GALT: variants seen among roughly 807,000 people sequenced by gnomAD.
The protein encoded by GALT is galactose-1-phosphate uridylyltransferase.
A neutral mutation model predicts 55.4 loss-of-function variants in GALT; 42 were observed. The ratio of observed to expected loss-of-function variants is 0.76; its 90% confidence interval spans 0.59 to 0.98. The LOEUF (loss-of-function observed/expected upper bound fraction) is 0.98. Among genes scored for constraint, GALT ranks in the 50% least tolerant of loss-of-function variants. The pLI, the probability that GALT is intolerant of heterozygous loss-of-function variation, is 0.00. For synonymous variants in GALT, 154 were observed against 181.5 expected, an observed-to-expected ratio of 0.85 and a Z score of 1.22; for missense variants, 407 against 495.7, an observed-to-expected ratio of 0.82 and a Z score of 1.70.
Position 34,647,202 on chromosome 9 carries a change from C to T in GALT, c.196C>T (p.Pro66Ser), listed in dbSNP as rs1317678108. Residue 66 changes from proline (P) to serine (S), a missense_variant, in exon 2 of 11, where the codon CCC becomes TCC. Pro to Ser is a moderately conservative substitution (Grantham distance 74). Transcript: ENST00000378842. The surrounding 1 kb of genome is among the most constrained non-coding windows in gnomAD (Gnocchi z 5.6). Reference protein sequence around the residue: ...QVEPQLLKTVPRHDPLNPLCP... With the variant: ...QVEPQLLKTVSRHDPLNPLCP... The stretch of plus-strand genomic sequence containing the variant: ...GGAGCCCCAGCTTCTGAAGACAGTG[C>T]CCCGCCATGACCCTCTCAACCCTCT... 2 of 1,614,160 alleles carry T rather than the reference C, an allele frequency of 1.2e-6. No homozygotes were observed.
At chr9:34,649,624 T>A in intron 10 of GALT, 60 bp downstream of exon 10, 1 of 1,569,878 alleles carries the variant, frequency 6.4e-7, no homozygotes, top group Non-Finnish European at 8.8e-7. Flanking sequence ...TGCAGGCACC[T>A]GATACTTCTG....
At chr9:34,649,241 TG>T (rs1821192394) in intron 9 of GALT, 160 bp downstream of exon 9, 1 of 1,192,914 alleles carries the variant, frequency 8.4e-7, no homozygotes, top group East Asian at 2.3e-5. Flanking sequence ...GCAGCAAACT[TG>T]GTGAAACTAC....
At chr9:34,650,190 G>A in intron 10 of GALT, 179 bp from the exon 11 acceptor site, 2 of 610,272 alleles carry the variant, frequency 3.3e-6, no homozygotes, top group Non-Finnish European at 2.9e-6. Context: ...GGCTGAGATA[G>A]GATCACTTGG....
At position 34,647,215 on chromosome 9, in the gene GALT, C is replaced by T; in HGVS notation, c.209C>T (p.Pro70Leu). The T allele has an allele frequency of 6.2e-7, 1 of 1,614,190 alleles. No individual in the cohort carries two copies. The highest frequency in any genetic ancestry group is 8.5e-7 in the Non-Finnish European group (1 of 1,180,020). ...CTGAAGACAGTGCCCCGCCATGACC[C>T]TCTCAACCCTCTGTGTCCTGGGGCC... ...QLLKTVPRHD[P>L]LNPLCPGAIR... The change falls in exon 2 of 11, where the codon CCT becomes CTT. Residue 70 changes from proline to leucine, a missense_variant. Coordinates refer to ENST00000378842, the MANE Select transcript of GALT (RefSeq NM_000155.4). This position sits in a 1 kb window ranked among gnomAD's most constrained non-coding sequence, Gnocchi z 5.6.
In GALT at chr9:34,649,390, GTC is replaced by G. The variant is rs757538747; in HGVS notation, c.905-14_905-13del. On this transcript the variant is annotated intron_variant, in intron 9 of 10. Coordinates refer to ENST00000378842, the MANE Select transcript of GALT (RefSeq NM_000155.4). ...TGTAAAAGGGCTCTCTCTCCCCACT[GTC>G]TCTCTTCTTTCTGTCAGGGGCTCCC... 1.2e-6 allele frequency: 2 copies of G among 1,614,058 alleles called. No homozygotes were observed. Among genetic ancestry groups the G allele is most frequent in the East Asian group, 4.5e-5 (2 of 44,878 alleles).
intron 9 of GALT, 144 bp downstream of exon 9, chr9:34,649,225 G>A: frequency 8.5e-7 from 1 of 1,183,166 alleles, no homozygotes; most frequent in Admixed American, 1.7e-5. Context: ...TGGGACTGAG[G>A]GTGGAGCAGC....
In GALT at chr9:34,648,869, T is replaced by G. The variant is rs762866149; in HGVS notation, c.795T>G (p.Pro265=). The part of the protein sequence containing the change: ...LLPRRHVRRL[P]ELTPAERDDL... Reference sequence around the variant, plus strand: ...CCCGTCGGCATGTGCGGCGGCTACCTGAGCTGACCCCTGCTGAGCGTGATG... The same window carrying G: ...CCCGTCGGCATGTGCGGCGGCTACCGGAGCTGACCCCTGCTGAGCGTGATG... Residue 265 remains proline (P), a synonymous_variant, in exon 8 of 11, where the codon CCT becomes CCG. Transcript: ENST00000378842. This position sits in a 1 kb window ranked among gnomAD's most constrained non-coding sequence, Gnocchi z 4.9. 6.2e-7 allele frequency: 1 copy of G among 1,613,270 alleles called. No individual in the cohort carries two copies. Among genetic ancestry groups the G allele is most frequent in the African/African-American group, 1.3e-5 (1 of 75,044 alleles).
In GALT at chr9:34,648,926, G is replaced by A. The variant is rs983255120; in HGVS notation, c.820+32G>A. ...CTCCCAAGTAGGATCCTGGGGCTAG[G>A]CACTGGATGGAGGTTGCTCCCAGTA... On this transcript the variant is annotated intron_variant, in intron 8 of 10. Coordinates refer to ENST00000378842, the MANE Select transcript of GALT (RefSeq NM_000155.4). The surrounding 1 kb of genome is among the most constrained non-coding windows in gnomAD (Gnocchi z 4.9). The A allele has an allele frequency of 3.7e-6, 6 of 1,613,672 alleles. No individual in the cohort carries two copies. The highest frequency in any genetic ancestry group is 5.1e-6 in the Non-Finnish European group (6 of 1,179,928).
At position 34,647,904 on chromosome 9, in the gene GALT, T is replaced by A. The variant is rs886063884; in HGVS notation, c.450T>A (p.Val150=). The change falls in exon 5 of 11, where the codon GTT becomes GTA. Residue 150 remains valine (V), a synonymous_variant. Coordinates refer to ENST00000378842, the MANE Select transcript of GALT (RefSeq NM_000155.4). This position sits in a 1 kb window ranked among gnomAD's most constrained non-coding sequence, Gnocchi z 5.6. ...PLMSVPEIRA[V]VDAWASVTEE... Reference sequence around the variant, plus strand: ...TGTCGGTCCCTGAGATCCGGGCTGTTGTTGATGCATGGGCCTCAGTCACAG... The same window carrying A: ...TGTCGGTCCCTGAGATCCGGGCTGTAGTTGATGCATGGGCCTCAGTCACAG... 1 of 1,614,180 alleles carries A rather than the reference T, an allele frequency of 6.2e-7. No individual in the cohort carries two copies.
At position 34,650,574 on chromosome 9, in the gene GALT, C is replaced by CA. The variant is rs1459744158; in HGVS notation, c.*128dup. 2.5e-6 allele frequency: 2 copies of CA among 797,034 alleles called. No individual in the cohort carries two copies. Among genetic ancestry groups the CA allele is most frequent in the Non-Finnish European group, 2.1e-6 (1 of 478,742 alleles). The allele number at this position is 797,034 out of a possible 1,614,324, so 49.4% of individuals were successfully genotyped here. On this transcript the variant is annotated 3_prime_UTR_variant, in exon 11 of 11. Transcript: ENST00000378842. Reference sequence around the variant, plus strand: ...ATAGCATTAATAAAACTGTGCATCTCAAACTTTTATCACATACTCTAATAT... The same window carrying CA: ...ATAGCATTAATAAAACTGTGCATCTCAAAACTTTTATCACATACTCTAATAT...
In GALT at chr9:34,647,805, G is replaced by C. The variant is rs41274865; in HGVS notation, c.378-27G>C. ...TAGCACAGCCAAGCCCTACCTCTCG[G>C]TTATCTTTTCTCCCGTCACCACCCA... On this transcript the variant is annotated intron_variant, in intron 4 of 10. Transcript: ENST00000378842. The surrounding 1 kb of genome is among the most constrained non-coding windows in gnomAD (Gnocchi z 5.6). 0.06 allele frequency: 96,739 copies of C among 1,614,114 alleles called. 3,193 individuals carry two copies. Among genetic ancestry groups the C allele is most frequent in the South Asian group, 0.075 (6,842 of 91,074 alleles).
chr9:34,647,817 C>G lies in GALT; in HGVS notation c.378-15C>G. 6.2e-7 allele frequency: 1 copy of G among 1,614,244 alleles called. No individual in the cohort carries two copies. The highest frequency in any genetic ancestry group is 8.5e-7 in the Non-Finnish European group (1 of 1,180,044). The stretch of plus-strand genomic sequence containing the variant: ...GCCCTACCTCTCGGTTATCTTTTCT[C>G]CCGTCACCACCCAGTAAGGTCATGT... On this transcript the variant is annotated splice_polypyrimidine_tract_variant and intron_variant, in intron 4 of 10. Coordinates refer to ENST00000378842, the MANE Select transcript of GALT (RefSeq NM_000155.4). The surrounding 1 kb of genome is among the most constrained non-coding windows in gnomAD (Gnocchi z 5.6).
chr9:34,651,019 C>A lies in GALT; in HGVS notation c.*570C>A. The stretch of plus-strand genomic sequence containing the variant: ...GGCTGCAGCTTGGCTCTGCTCCAGC[C>A]CACAGGGGCTAAAGGGGCGGGTAGG... On this transcript the variant is annotated 3_prime_UTR_variant, in exon 11 of 11. Transcript: ENST00000378842. The surrounding 1 kb of genome is among the most constrained non-coding windows in gnomAD (Gnocchi z 4.3). 1 of 158,552 alleles carries A rather than the reference C, an allele frequency of 6.3e-6. No homozygotes were observed. The highest frequency in any genetic ancestry group is 1.4e-5 in the Non-Finnish European group (1 of 71,978). The allele number at this position is 158,552 out of a possible 1,614,324, so 9.8% of individuals were successfully genotyped here. A position where few individuals can be genotyped will look rare whatever the true frequency, so the allele number is the denominator to read the frequency against.
chr9:34,650,244 T>C (rs917353219), intron 10 of GALT, 125 bp from the exon 11 acceptor site: 13 of 688,068 alleles, frequency 1.9e-5, no homozygotes, highest in East Asian at 5.5e-5. Flanking sequence ...CATGGCATCA[T>C]TGCATTCCAG....
rs1258860278 is a variant in GALT, at chr9:34,651,011, GCT to G, written c.*564_*565del. ...TTGTGAGTGGCTGCAGCTTGGCTCT[GCT>G]CCAGCCCACAGGGGCTAAAGGGGCG... On this transcript the variant is annotated 3_prime_UTR_variant, in exon 11 of 11. Transcript: ENST00000378842. This position sits in a 1 kb window ranked among gnomAD's most constrained non-coding sequence, Gnocchi z 4.3. The G allele has an allele frequency of 6.3e-6, 1 of 159,216 alleles. No individual in the cohort carries two copies. The highest frequency in any genetic ancestry group is 1.4e-5 in the Non-Finnish European group (1 of 72,452). 9.9% of individuals were successfully genotyped at this position (159,216 alleles called of 1,614,324 possible). A position where few individuals can be genotyped will look rare whatever the true frequency, so the allele number is the denominator to read the frequency against.
rs1474352459 is a variant in GALT at position 34,649,101 on chromosome 9, T to C, written c.904+20T>C. The C allele has an allele frequency of 1.9e-6, 3 of 1,607,270 alleles. No individual in the cohort carries two copies. The highest frequency in any genetic ancestry group is 2.6e-6 in the Non-Finnish European group (3 of 1,173,850). Reference sequence around the variant, plus strand: ...GGCATGGTGAGGCTTTTCAAGTACCTATATTTAGCCCCAACACCATTTCTG... The same window carrying C: ...GGCATGGTGAGGCTTTTCAAGTACCCATATTTAGCCCCAACACCATTTCTG... On this transcript the variant is annotated intron_variant, in intron 9 of 10. Transcript: ENST00000378842.
Position 34,648,589 on chromosome 9 carries a change from G to C in GALT, c.687+133G>C. On this transcript the variant is annotated intron_variant, in intron 7 of 10. Transcript: ENST00000378842. This position sits in a 1 kb window ranked among gnomAD's most constrained non-coding sequence, Gnocchi z 4.9. The stretch of plus-strand genomic sequence containing the variant: ...GCTAGGAGGCCTTAGCAATAATCCA[G>C]TAATCTAAAGGAAAGATGATGGTGA... The C allele has an allele frequency of 5.9e-6, 9 of 1,520,124 alleles. No homozygotes were observed. The highest frequency in any genetic ancestry group is 7.3e-6 in the Non-Finnish European group (8 of 1,100,234). The allele number at this position is 1,520,124 out of a possible 1,614,324, so 94.2% of individuals were successfully genotyped here.
At chr9:34,650,145 T>C in intron 10 of GALT, 1 of 551,012 alleles carries the variant, frequency 1.8e-6, no homozygotes, top group South Asian at 2.2e-5. Flanking sequence ...TAGCCAGGTA[T>C]GGTGGCATAT....
rs111033693 is a variant in GALT at position 34,647,896 on chromosome 9, C to T, written c.442C>T (p.Arg148Trp). Residue 148 changes from arginine to tryptophan, a missense_variant, in exon 5 of 11, where the codon CGG (arginine) becomes TGG (tryptophan). Arg to Trp is a moderately radical substitution (Grantham distance 101). Coordinates refer to ENST00000378842, the MANE Select transcript of GALT (RefSeq NM_000155.4). The surrounding 1 kb of genome is among the most constrained non-coding windows in gnomAD (Gnocchi z 5.6). ...TLPLMSVPEI[R>W]AVVDAWASVT... ...GCCACTCATGTCGGTCCCTGAGATCCGGGCTGTTGTTGATGCATGGGCCTC... is the reference window on the plus strand; with the variant it reads ...GCCACTCATGTCGGTCCCTGAGATCTGGGCTGTTGTTGATGCATGGGCCTC... The T allele has an allele frequency of 2.9e-5, 47 of 1,614,176 alleles. No homozygotes were observed. Among genetic ancestry groups the T allele is most frequent in the South Asian group, 1.8e-4 (16 of 91,078 alleles).
Sources: gnomAD v4.1 joint callset for allele counts on GRCh38, gnomAD v4.1.1 for gene constraint, Gnocchi (gnomAD v3.1) non-coding constraint, MANE v1.5 for transcripts, NCBI Gene and HGNC (gene_info 2026-07-23, HGNC 2026-07-21) for gene names.